The following CTBP1 variants were observed in gnomAD, a reference collection of about 807,000 sequenced individuals.
CTBP1 encodes C-terminal-binding protein 1.
In CTBP1, 11 loss-of-function variants were observed where a neutral mutation model predicts 42.1. That is an observed-to-expected ratio of 0.26 (90% CI 0.16 to 0.43). The LOEUF (loss-of-function observed/expected upper bound fraction) is 0.43. Ranked by LOEUF, CTBP1 falls within the 20% of genes least tolerant of loss-of-function variation. CTBP1 has a pLI of 1.00. For missense variants in CTBP1, 399 were observed against 624.3 expected (o/e 0.64, Z 3.85); for synonymous variants, 324 against 277.1 (o/e 1.17, Z -1.68).
At chr4:1,229,942 G>A (rs890432120) in intron 3 of CTBP1, among the ~76,000 whole-genome samples, 4 of 152,170 alleles carry the variant, frequency 2.6e-5, no homozygotes, top group Non-Finnish European at 5.9e-5. Context: ...GCTAGCCTGG[G>A]CATTCTCCAG....
intron 5 of CTBP1, chr4:1,216,874 T>C (rs984768846): frequency 6.4e-6 from 1 of 155,720 alleles, no homozygotes; most frequent in African/African-American, 2.4e-5. Flanking sequence ...AGAGTGCTCG[T>C]GCCCACTGTG....
chr4:1,219,001 C>T (rs1441998304), intron 5 of CTBP1, among the ~76,000 whole-genome samples: 1 of 152,076 alleles, frequency 6.6e-6, no homozygotes, highest in Non-Finnish European at 1.5e-5. Context: ...GAAAGAGGAA[C>T]TAACTCTATA....
chr4:1,223,143 C>G (rs1285492773), intron 5 of CTBP1, among the ~76,000 whole-genome samples: 2 of 152,148 alleles, frequency 1.3e-5, no homozygotes, highest in Non-Finnish European at 2.9e-5. Flanking sequence ...GAGTCCCCGG[C>G]CCCTCCCGAC....
At chr4:1,249,609 C>A (rs553066119), upstream of CTBP1, 10 of 381,086 alleles carry the variant, frequency 2.6e-5, no homozygotes, top group East Asian at 1.4e-3. Context: ...GGCACCGAGG[C>A]CGCGGGCCCC....
At position 1,216,169 on chromosome 4, in the gene CTBP1, G is replaced by A; in HGVS notation, c.551C>T (p.Ala184Val). The A allele has an allele frequency of 6.2e-7, 1 of 1,610,762 alleles. No homozygotes were observed. The highest frequency in any genetic ancestry group is 2.2e-5 in the East Asian group (1 of 44,878). Reference protein sequence around the residue: ...VGQAVALRAKAFGFNVLFYDP... With the variant: ...VGQAVALRAKVFGFNVLFYDP... ...GTAGAAGAGCACGTTGAAGCCGAAGGCCTTGGCCCGCAGCGCCACTGCCTG... is the reference window on the plus strand; with the variant it reads ...GTAGAAGAGCACGTTGAAGCCGAAGACCTTGGCCCGCAGCGCCACTGCCTG... The change falls in exon 6 of 10, where the codon GCC (alanine) becomes GTC (valine). Residue 184 changes from alanine (A) to valine (V), a missense_variant. Coordinates refer to ENST00000382952, the MANE Select transcript of CTBP1 (RefSeq NM_001012614.2).
At position 1,247,639 on chromosome 4, in the gene CTBP1, C is replaced by T. The variant is rs551205451; in HGVS notation, c.-189+1277G>A. Among the ~76,000 whole-genome samples, 95 of 152,292 alleles carry T rather than the reference C, an allele frequency of 6.2e-4. 1 individual carries two copies. Among genetic ancestry groups the T allele is most frequent in the African/African-American group, 2.2e-3 (90 of 41,572 alleles). On this transcript the variant is annotated intron_variant, in intron 1 of 9. Transcript: ENST00000382952. The stretch of plus-strand genomic sequence containing the variant: ...CAAGCTGCAGACGGGTACACAGACG[C>T]GCAAAGGCCACGCGCTAGGAGCTCA...
rs1046672459 is a variant in CTBP1 at position 1,233,321 on chromosome 4, C to T, written c.162+4862G>A. The stretch of plus-strand genomic sequence containing the variant: ...GTTTTTCCGGGATTTCTAATCACTT[C>T]GTTTCCTGCACAGCCCCAGCACCTC... On this transcript the variant is annotated intron_variant, in intron 3 of 9. Transcript: ENST00000382952. The surrounding 1 kb of genome is among the most constrained non-coding windows in gnomAD (Gnocchi z 4.6). 4 of 152,276 alleles carry T rather than the reference C, an allele frequency of 2.6e-5. No homozygotes were observed. Among genetic ancestry groups the T allele is most frequent in the Admixed American group, 6.5e-5 (1 of 15,280 alleles). The allele number at this position is 152,276 out of a possible 1,614,324, so 9.4% of individuals were successfully genotyped here. A position where few individuals can be genotyped will look rare whatever the true frequency, so the allele number is the denominator to read the frequency against.
chr4:1,244,868 C>A, intron 1 of CTBP1: 1 of 985,450 alleles, frequency 1.0e-6, no homozygotes. Flanking sequence ...TGCTGCCCAG[C>A]CAGGGGCTGA....
chr4:1,241,948 G>C (rs975871740), intron 1 of CTBP1: 2 of 1,025,728 alleles, frequency 1.9e-6, no homozygotes, highest in Non-Finnish European at 1.2e-6. Flanking sequence ...ACTGATTCCC[G>C]GGCCTCTGTG....
chr4:1,228,323 C>T lies in CTBP1; in HGVS notation c.183G>A (p.Gly61=), dbSNP rs772386825. The T allele has an allele frequency of 2.5e-6, 4 of 1,613,910 alleles. No individual in the cohort carries two copies. Among genetic ancestry groups the T allele is most frequent in the South Asian group, 2.2e-5 (2 of 91,072 alleles). Residue 61 remains glycine (G), a synonymous_variant, in exon 4 of 10, where the codon GGG becomes GGA. Transcript: ENST00000382952. ...GAGTGATGGTGTGGTACATCAGGGC[C>T]CCCACAGCCTCGTTCAGGACCTGCA... ...IHEKVLNEAV[G]ALMYHTITLT... is the part of the protein sequence containing the mutation.
intron 1 of CTBP1, among the ~76,000 whole-genome samples, chr4:1,247,247 A>C (rs1732809197): frequency 6.6e-6 from 1 of 152,168 alleles, no homozygotes; most frequent in African/African-American, 2.4e-5. Context: ...CACCCCAAAA[A>C]TGGCCGGGCA....
In CTBP1 at chr4:1,238,010, T is replaced by C. The variant is rs574792752; in HGVS notation, c.162+173A>G. 38 of 826,842 alleles carry C rather than the reference T, an allele frequency of 4.6e-5. No individual in the cohort carries two copies. In the East Asian group the frequency reaches 5.5e-4, roughly 12 times the overall value. The allele number at this position is 826,842 out of a possible 1,614,324, so 51.2% of individuals were successfully genotyped here. ...AAACCCGATGTCCACCTCCTGATGG[T>C]GTCCAGGGAAAACCCCGTGTCCACC... is the stretch of plus-strand genomic sequence containing the variant. On this transcript the variant is annotated intron_variant, in intron 3 of 9. Transcript: ENST00000382952. The surrounding 1 kb of genome is among the most constrained non-coding windows in gnomAD (Gnocchi z 5.9).
intron 5 of CTBP1, among the ~76,000 whole-genome samples, chr4:1,218,924 A>C (rs1410753716): frequency 1.3e-5 from 2 of 152,256 alleles, no homozygotes; most frequent in African/African-American, 4.8e-5. Context: ...AATCCAAATC[A>C]TCAGCAATTA....
In CTBP1 at chr4:1,211,906, C is replaced by T. The variant is rs887828831; in HGVS notation, c.*334G>A. 24 of 209,952 alleles carry T rather than the reference C, an allele frequency of 1.1e-4. No individual in the cohort carries two copies. The highest frequency in any genetic ancestry group is 2.8e-5 in the Non-Finnish European group (3 of 106,958). The allele number at this position is 209,952 out of a possible 1,614,324, so 13.0% of individuals were successfully genotyped here. A position where few individuals can be genotyped will look rare whatever the true frequency, so the allele number is the denominator to read the frequency against. On this transcript the variant is annotated 3_prime_UTR_variant, in exon 10 of 10. Transcript: ENST00000382952. ...AAAAAAAAAAACCTCAAATTGACTTCCAAATGCTCCTTCAGGTTTTCTTTT... is the reference window on the plus strand; with the variant it reads ...AAAAAAAAAAACCTCAAATTGACTTTCAAATGCTCCTTCAGGTTTTCTTTT...
At chr4:1,216,551 C>A in intron 5 of CTBP1, 1 of 432,442 alleles carries the variant, frequency 2.3e-6, no homozygotes. Context: ...TCCACCCACC[C>A]AACACATGTC....
Position 1,238,285 on chromosome 4 carries a change from T to C in CTBP1, c.60A>G (p.Ala20=), listed in dbSNP as rs751631683. 5 of 1,600,332 alleles carry C rather than the reference T, an allele frequency of 3.1e-6. No individual in the cohort carries two copies. The highest frequency in any genetic ancestry group is 2.2e-5 in the East Asian group (1 of 44,532). The part of the protein sequence containing the change: ...NGPLHPRPLV[A]LLDGRDCTVE... ...CTGTGCAGTCCCGGCCATCCAGCAA[T>C]GCCACCAGGGGCCGCGGGTGCAGGG... Residue 20 remains alanine, a synonymous_variant, in exon 3 of 10, where the codon GCA becomes GCG. Transcript: ENST00000382952. The surrounding 1 kb of genome is among the most constrained non-coding windows in gnomAD (Gnocchi z 5.9).
At chr4:1,224,557 G>A (rs758995293) in intron 5 of CTBP1, among the ~76,000 whole-genome samples, 6 of 151,258 alleles carry the variant, frequency 4.0e-5, no homozygotes, top group African/African-American at 1.5e-4. Flanking sequence ...TGAGGCCCAC[G>A]TGTGTGCTGT....
chr4:1,242,659 T>C, intron 1 of CTBP1: 1 of 985,398 alleles, frequency 1.0e-6, no homozygotes, highest in African/African-American at 1.7e-5. Flanking sequence ...GCAGGTGCTG[T>C]GTGGGACTCC....
chr4:1,212,338 G>T lies in CTBP1; in HGVS notation c.1192C>A (p.His398Asn). 6.6e-7 allele frequency: 1 copy of T among 1,518,186 alleles called. No homozygotes were observed. The highest frequency in any genetic ancestry group is 2.6e-5 in the East Asian group (1 of 38,254). The allele number at this position is 1,518,186 out of a possible 1,614,324, so 94.0% of individuals were successfully genotyped here. A position where few individuals can be genotyped will look rare whatever the true frequency, so the allele number is the denominator to read the frequency against. The change falls in exon 10 of 10, where the codon CAC becomes AAC. Residue 398 changes from histidine (H) to asparagine (N), a missense_variant. Physicochemically the swap from His to Asn is moderately conservative, Grantham distance 68. This residue lies in a region of CTBP1 where 60 missense variants were observed against 46.5 expected (regional missense o/e 1.29). Coordinates refer to ENST00000382952, the MANE Select transcript of CTBP1 (RefSeq NM_001012614.2). ...GIVPSAMSLS[H>N]GLPPVAHPPH... ...GGGTGGGCCACAGGGGGCAGGCCGT[G>T]GGACAGGGACATGGCGCTGGGGACG...
Sources: allele counts gnomAD v4.1 joint callset (sites outside exome capture counted in the v4.1 genomes callset), GRCh38; gene constraint gnomAD v4.1.1; regional missense constraint gnomAD v4.1.1; non-coding constraint Gnocchi (gnomAD v3.1); transcripts MANE v1.5; gene names NCBI Gene and HGNC (gene_info 2026-07-23, HGNC 2026-07-21).